METTL15: variants seen among roughly 807,000 people sequenced by gnomAD.
METTL15 encodes 12S rRNA N(4)-cytidine methyltransferase METTL15.
In METTL15, 34 loss-of-function variants were observed where a neutral mutation model predicts 38.3. That is an observed-to-expected ratio of 0.89 (90% confidence interval 0.68 to 1.18). The LOEUF (loss-of-function observed/expected upper bound fraction) is 1.18, where lower values mean the gene tolerates loss of function less well. Among genes scored for constraint, METTL15 ranks in the 50% most tolerant of loss-of-function variants. METTL15 has a pLI of 0.00. For synonymous variants in METTL15, 162 were observed against 170.9 expected (o/e 0.95, Z 0.41); for missense variants, 438 against 498.4 (o/e 0.88, Z 1.15).
chr11:28,271,886 C>A (rs1247818455), intron 4 of METTL15, among the ~76,000 whole-genome samples: 1 of 151,978 alleles, frequency 6.6e-6, no homozygotes, highest in Admixed American at 6.5e-5. Flanking sequence ...AAAAACAACA[C>A]CGTCAAAAAG....
intron 3 of METTL15, among the ~76,000 whole-genome samples, chr11:28,121,323 T>C (rs1852222884): frequency 6.6e-6 from 1 of 152,198 alleles, no homozygotes. Flanking sequence ...GTAGTTGAAC[T>C]GATGATTTAT....
intron 3 of METTL15, among the ~76,000 whole-genome samples, chr11:28,171,427 A>G (rs1216824828): frequency 1.3e-5 from 2 of 152,174 alleles, no homozygotes; most frequent in African/African-American, 2.4e-5. Context: ...GAGAGGATGT[A>G]TATGAAAAGG....
intron 5 of METTL15, among the ~76,000 whole-genome samples, chr11:28,402,389 C>T (rs889913866): frequency 5.3e-5 from 8 of 151,950 alleles, no homozygotes; most frequent in African/African-American, 1.9e-4. Context: ...AATCACTACT[C>T]CCTACCCAAT....
At chr11:28,235,574 A>G (rs1853918453) in intron 4 of METTL15, among the ~76,000 whole-genome samples, 1 of 152,102 alleles carries the variant, frequency 6.6e-6, no homozygotes, top group Non-Finnish European at 1.5e-5. Flanking sequence ...AGCAATTGTG[A>G]TTGGGAGTTC....
chr11:28,280,041 C>T (rs994224467), intron 4 of METTL15, among the ~76,000 whole-genome samples: 4 of 152,068 alleles, frequency 2.6e-5, no homozygotes, highest in African/African-American at 9.7e-5. Context: ...GTGCCACTAC[C>T]ATATATTTTA....
chr11:28,290,545 C>T, intron 5 of METTL15, 148 bp downstream of exon 5: 1 of 668,016 alleles, frequency 1.5e-6, no homozygotes, highest in Non-Finnish European at 2.5e-6. Flanking sequence ...GTTTCATACT[C>T]ATTATACACA....
chr11:28,456,177 T>A (rs891616900), intron 6 of METTL15, among the ~76,000 whole-genome samples: 1 of 151,728 alleles, frequency 6.6e-6, no homozygotes, highest in Admixed American at 6.6e-5. Context: ...GGCTAATTTT[T>A]AAAAAAAATT....
At chr11:28,408,374 A>G (rs1850693480) in intron 5 of METTL15, among the ~76,000 whole-genome samples, 1 of 152,180 alleles carries the variant, frequency 6.6e-6, no homozygotes, top group Admixed American at 6.6e-5. Context: ...CGTGCTAGCT[A>G]AAACCACCTC....
At chr11:28,466,027 T>G (rs1851253900) in intron 6 of METTL15, among the ~76,000 whole-genome samples, 1 of 152,214 alleles carries the variant, frequency 6.6e-6, no homozygotes, top group Admixed American at 6.5e-5. Context: ...AATTTTTTAT[T>G]GCATGAGACA....
At chr11:28,482,952 GA>G (rs1564943991) in intron 6 of METTL15, among the ~76,000 whole-genome samples, 5 of 152,132 alleles carry the variant, frequency 3.3e-5, no homozygotes. Flanking sequence ...GGATAAGGCT[GA>G]CCACTGTGGG....
chr11:28,256,606 T>C (rs745757980), intron 4 of METTL15, among the ~76,000 whole-genome samples: 75 of 152,266 alleles, frequency 4.9e-4, no homozygotes, highest in Non-Finnish European at 8.8e-4. Flanking sequence ...TTTTGGTTAA[T>C]CTGGCTGAAG....
chr11:28,464,009 G>A (rs1002276478), intron 6 of METTL15, among the ~76,000 whole-genome samples: 5 of 152,076 alleles, frequency 3.3e-5, no homozygotes, highest in Admixed American at 6.6e-5. Context: ...TCATTCCTGC[G>A]CTATGACCTA....
intron 6 of METTL15, among the ~76,000 whole-genome samples, chr11:28,473,882 A>G (rs1305754479): frequency 2.6e-5 from 4 of 151,590 alleles, no homozygotes; most frequent in Non-Finnish European, 5.9e-5. Context: ...TCAGGGCCCA[A>G]CCTCTTTGCA....
At chr11:28,207,791 G>A (rs1852422936) in intron 3 of METTL15, among the ~76,000 whole-genome samples, 1 of 152,138 alleles carries the variant, frequency 6.6e-6, no homozygotes, top group African/African-American at 2.4e-5. Flanking sequence ...TTCAGATCCT[G>A]TTATTGGTCT....
At chr11:28,135,492 C>A (rs1849484847) in intron 3 of METTL15, among the ~76,000 whole-genome samples, 1 of 152,126 alleles carries the variant, frequency 6.6e-6, no homozygotes, top group Admixed American at 6.5e-5. Context: ...GTTAGTAACC[C>A]TTTATGGGGA....
At chr11:28,311,679 C>T (rs1302356524) in intron 6 of METTL15, among the ~76,000 whole-genome samples, 2 of 152,212 alleles carry the variant, frequency 1.3e-5, no homozygotes, top group Non-Finnish European at 2.9e-5. Context: ...TCTATTTCTT[C>T]ATCTGCAAAA....
At chr11:28,223,038 G>C (rs1447724052) in intron 4 of METTL15, among the ~76,000 whole-genome samples, 1 of 152,006 alleles carries the variant, frequency 6.6e-6, no homozygotes, top group Non-Finnish European at 1.5e-5. Flanking sequence ...GTGCAGAAAA[G>C]GATACTTTCA....
chr11:28,204,939 A>G (rs187871462), intron 3 of METTL15, among the ~76,000 whole-genome samples: 184 of 152,134 alleles, frequency 1.2e-3, no homozygotes, highest in Non-Finnish European at 2.1e-3. Flanking sequence ...GGTAATTTCA[A>G]AGAAGTTCCA....
chr11:28,472,850 T>C (rs1355168282), intron 6 of METTL15, among the ~76,000 whole-genome samples: 1 of 151,976 alleles, frequency 6.6e-6, no homozygotes, highest in Non-Finnish European at 1.5e-5. Context: ...ATTCCTGACA[T>C]GAACCTTAGA....
Sources: gnomAD v4.1 joint callset for allele counts (sites outside exome capture counted in the v4.1 genomes callset) on GRCh38, gnomAD v4.1.1 for gene constraint, MANE v1.5 for transcripts, NCBI Gene and HGNC (gene_info 2026-07-23, HGNC 2026-07-21) for gene names.